The following AXDND1 variants were observed in gnomAD, a reference collection of about 807,000 sequenced individuals.
AXDND1 encodes the protein axonemal dynein light chain domain containing 1.
Under a neutral mutation model 137.5 loss-of-function variants are expected in AXDND1, and 110 were observed. The ratio of observed to expected loss-of-function variants is 0.80; its 90% confidence interval spans 0.69 to 0.94. The LOEUF (loss-of-function observed/expected upper bound fraction) is 0.94, where lower values mean the gene tolerates loss of function less well. Among genes scored for constraint, AXDND1 ranks in the 40% least tolerant of loss-of-function variants. The pLI is 0.00. For synonymous variants in AXDND1, 414 were observed against 399.7 expected, an observed-to-expected ratio of 1.04 and a Z score of -0.43; for missense variants, 1,191 against 1,169.8, an observed-to-expected ratio of 1.02 and a Z score of -0.26.
At chr1:179,442,779 T>A (rs982452477) in intron 15 of AXDND1, among the ~76,000 whole-genome samples, 18 of 152,176 alleles carry the variant, frequency 1.2e-4, no homozygotes, top group South Asian at 4.1e-4. Flanking sequence ...ACCTTCTTTG[T>A]TCACATCCTT....
At chr1:179,376,397 C>T (rs1176396665) in intron 4 of AXDND1, among the ~76,000 whole-genome samples, 2 of 152,120 alleles carry the variant, frequency 1.3e-5, no homozygotes, top group Non-Finnish European at 2.9e-5. Context: ...CCGGTGAATA[C>T]TGTATTTTCA....
At chr1:179,381,891 C>T (rs1648386469) in intron 6 of AXDND1, among the ~76,000 whole-genome samples, 1 of 150,828 alleles carries the variant, frequency 6.6e-6, no homozygotes. Context: ...AGCGATTCTT[C>T]TGCCTCAGCC....
At chr1:179,380,605 T>G (rs1648100494) in intron 6 of AXDND1, among the ~76,000 whole-genome samples, 1 of 152,218 alleles carries the variant, frequency 6.6e-6, no homozygotes, top group African/African-American at 2.4e-5. Context: ...ACTTGAATGT[T>G]TTATAGTTTA....
intron 16 of AXDND1, chr1:179,456,752 T>C (rs1661462908): frequency 2.6e-6 from 2 of 781,822 alleles, no homozygotes; most frequent in Non-Finnish European, 4.6e-6. Context: ...CAGAACTACT[T>C]TGACCTCTTT....
intron 3 of AXDND1, 145 bp downstream of exon 3, chr1:179,369,117 G>T: frequency 1.2e-6 from 1 of 860,332 alleles, no homozygotes; most frequent in Non-Finnish European, 1.7e-6. Flanking sequence ...TACTACTGTG[G>T]CCCAGGCTGG....
intron 4 of AXDND1, 135 bp from the exon 5 acceptor site, chr1:179,378,502 T>C: frequency 2.0e-6 from 1 of 505,042 alleles, no homozygotes; most frequent in Admixed American, 3.7e-5. Context: ...TAGTAAAGTG[T>C]TATGTAAGGA....
intron 21 of AXDND1, among the ~76,000 whole-genome samples, chr1:179,519,727 C>T (rs1197609893): frequency 2.0e-5 from 3 of 151,934 alleles, no homozygotes; most frequent in Admixed American, 6.6e-5. Flanking sequence ...CTGGGTTCTC[C>T]ATTTTGTTCC....
At chr1:179,430,406 A>T in intron 13 of AXDND1, 46 bp from the exon 14 acceptor site, 2 of 1,403,946 alleles carry the variant, frequency 1.4e-6, no homozygotes, top group Non-Finnish European at 1.9e-6. Flanking sequence ...ACTATTTGTT[A>T]TATACATAAA....
chr1:179,384,654 T>C (rs1422344367), intron 8 of AXDND1, among the ~76,000 whole-genome samples: 1 of 152,196 alleles, frequency 6.6e-6, no homozygotes, highest in Non-Finnish European at 1.5e-5. Context: ...GTTCTTCAAT[T>C]TTGGTTTGTC....
chr1:179,521,430 T>G lies in AXDND1; in HGVS notation c.2497-3904T>G, dbSNP rs61334774. ...ATAGTTTTACCTCTTTCTTTTCAATTCTGATACTTCTAGTTGCTTTTTCTT... is the reference window on the plus strand; with the variant it reads ...ATAGTTTTACCTCTTTCTTTTCAATGCTGATACTTCTAGTTGCTTTTTCTT... On this transcript the variant is annotated intron_variant, in intron 21 of 25. Transcript: ENST00000367618. 6.2e-3 allele frequency among the ~76,000 whole-genome samples: 939 copies of G among 152,274 alleles called. 10 individuals are homozygous for G. Among genetic ancestry groups the G allele is most frequent in the African/African-American group, 0.022 (905 of 41,564 alleles).
intron 22 of AXDND1, 65 bp downstream of exon 22, chr1:179,525,512 T>A: frequency 6.8e-7 from 1 of 1,478,998 alleles, no homozygotes. Flanking sequence ...TACATATATT[T>A]TAGAGACAGG....
Position 179,432,327 on chromosome 1 carries a change from CA to C in AXDND1, c.1551del (p.Lys517AsnfsTer7). Reference sequence around the variant, plus strand: ...TATTTAATTCAGTTCTTTTAGACTTCAAACAGTGGCAGAAGGTAAGACTTTT... The same window carrying C: ...TATTTAATTCAGTTCTTTTAGACTTCAACAGTGGCAGAAGGTAAGACTTTT... ...NIFNSVLLDF[K>X]QWQKILNEKK... On this transcript the variant is annotated frameshift_variant, in exon 15 of 26. Transcript: ENST00000367618. LOFTEE classifies it high-confidence loss of function. 6.4e-7 allele frequency: 1 copy of C among 1,570,560 alleles called. No individual in the cohort carries two copies. The highest frequency in any genetic ancestry group is 8.7e-7 in the Non-Finnish European group (1 of 1,155,468).
rs946933599 is a variant in AXDND1 at position 179,369,009 on chromosome 1, A to G, written c.270+37A>G. 12 of 1,519,978 alleles carry G rather than the reference A, an allele frequency of 7.9e-6. No homozygotes were observed. The African/African-American group carries it at 1.7e-4, about 21-fold the overall frequency. 94.2% of individuals were successfully genotyped at this position (1,519,978 alleles called of 1,614,324 possible). ...CATATGTAGAGTAATGGGGAACATT[A>G]TTTTTTGGGCATCTGATTATTCTTT... On this transcript the variant is annotated intron_variant, in intron 3 of 25. Coordinates refer to ENST00000367618, the MANE Select transcript of AXDND1 (RefSeq NM_144696.6).
chr1:179,440,584 C>T (rs1430848341), intron 15 of AXDND1, among the ~76,000 whole-genome samples: 1 of 152,080 alleles, frequency 6.6e-6, no homozygotes, highest in Admixed American at 6.6e-5. Context: ...ATGGAACAGG[C>T]GAGTAAGGGC....
At chr1:179,418,310 G>A (rs1289563750) in intron 12 of AXDND1, among the ~76,000 whole-genome samples, 2 of 152,220 alleles carry the variant, frequency 1.3e-5, no homozygotes, top group Non-Finnish European at 2.9e-5. Context: ...CTGGGGGTAA[G>A]GTCACAGATC....
intron 16 of AXDND1, among the ~76,000 whole-genome samples, chr1:179,463,136 T>G (rs1662607086): frequency 6.6e-6 from 1 of 152,230 alleles, no homozygotes; most frequent in Admixed American, 6.5e-5. Context: ...TGCTCTGATG[T>G]TAGTTATTTC....
rs138052133 is a variant in AXDND1, at chr1:179,433,096, C to G, written c.1563+754C>G. On this transcript the variant is annotated intron_variant, in intron 15 of 25. Coordinates refer to ENST00000367618, the MANE Select transcript of AXDND1 (RefSeq NM_144696.6). ...GGATTCAACTTCTTACTGGTTTCGT[C>G]TTGGGAGGGTGATGTGTCCAGGAAT... 6.4e-3 allele frequency among the ~76,000 whole-genome samples: 975 copies of G among 152,130 alleles called. 9 individuals are homozygous for G. The highest frequency in any genetic ancestry group is 0.022 in the African/African-American group (932 of 41,458).
Position 179,368,786 on chromosome 1 carries a change from C to T in AXDND1, c.98-14C>T, listed in dbSNP as rs1667728501. 7 of 1,583,904 alleles carry T rather than the reference C, an allele frequency of 4.4e-6. No homozygotes were observed. Among genetic ancestry groups the T allele is most frequent in the Non-Finnish European group, 5.1e-6 (6 of 1,168,492 alleles). ...ATATATAGTAAGAGTTTTTCTTTTC[C>T]ACTACTTACTTAGGACTTCCTGAGC... On this transcript the variant is annotated splice_polypyrimidine_tract_variant and intron_variant, in intron 2 of 25. Transcript: ENST00000367618.
At chr1:179,501,604 G>T (rs908132376) in intron 20 of AXDND1, among the ~76,000 whole-genome samples, 10 of 152,042 alleles carry the variant, frequency 6.6e-5, no homozygotes, top group Non-Finnish European at 1.3e-4. Context: ...TCCAGCTACT[G>T]GGGAGGGTGA....
Sources: allele counts gnomAD v4.1 joint callset (sites outside exome capture counted in the v4.1 genomes callset), GRCh38; gene constraint gnomAD v4.1.1; transcripts MANE v1.5; gene names NCBI Gene and HGNC (gene_info 2026-07-23, HGNC 2026-07-21).